Variants in SLC39A11 observed in about 807,000 individuals in gnomAD.
The protein encoded by SLC39A11 is solute carrier family 39 member 11, also known as zinc transporter ZIP11.
SLC39A11 carries 33 observed loss-of-function variants against 36.1 expected under a neutral mutation model. That is an observed-to-expected ratio of 0.91 (90% confidence interval 0.69 to 1.22). The LOEUF (loss-of-function observed/expected upper bound fraction) is 1.22. Ranked by LOEUF, SLC39A11 falls within the 50% of genes most tolerant of loss-of-function variation. SLC39A11 has a pLI of 0.00. For synonymous variants in SLC39A11, 166 were observed against 170.3 expected (o/e 0.97, Z 0.20); for missense variants, 432 against 430.3 (o/e 1.00, Z -0.03).
intron 5 of SLC39A11, among the ~76,000 whole-genome samples, chr17:72,900,212 A>AGAAGGAAGGAAGGAAGGAAAGAAAGAAG (rs1206355409): frequency 9.7e-6 from 1 of 103,466 alleles, no homozygotes; most frequent in African/African-American, 4.0e-5. Flanking sequence ...AAAGAAAGAA[A>AGAAGGAAGGAAGGAAGGAAAGAAAGAAG]GAAAGAAAGA....
chr17:72,961,381 T>A (rs2086597058), intron 4 of SLC39A11, among the ~76,000 whole-genome samples: 1 of 152,180 alleles, frequency 6.6e-6, no homozygotes, highest in Admixed American at 6.5e-5. Flanking sequence ...AGCAATCCCA[T>A]TACTGGGTAT....
chr17:72,828,456 A>G (rs1487882439), intron 6 of SLC39A11, among the ~76,000 whole-genome samples: 1 of 152,226 alleles, frequency 6.6e-6, no homozygotes, highest in Non-Finnish European at 1.5e-5. Context: ...TCCAGAAAGC[A>G]TGGCCACAGT....
At chr17:73,065,671 G>A (rs2059977710) in intron 3 of SLC39A11, among the ~76,000 whole-genome samples, 1 of 152,198 alleles carries the variant, frequency 6.6e-6, no homozygotes, top group South Asian at 2.1e-4. Flanking sequence ...TGGACTGAGA[G>A]TTTAGCTCAA....
chr17:72,720,842 A>G (rs1241965182), intron 7 of SLC39A11, among the ~76,000 whole-genome samples: 2 of 152,214 alleles, frequency 1.3e-5, no homozygotes, highest in Non-Finnish European at 2.9e-5. Flanking sequence ...GTCAAGCCCC[A>G]GAATCCATGG....
intron 5 of SLC39A11, among the ~76,000 whole-genome samples, chr17:72,879,188 T>C (rs1163045680): frequency 1.3e-5 from 2 of 152,220 alleles, no homozygotes; most frequent in Non-Finnish European, 2.9e-5. Context: ...CCTTTGGGTT[T>C]TTTATGGAGG....
At chr17:72,918,364 G>A (rs2083449268) in intron 5 of SLC39A11, among the ~76,000 whole-genome samples, 1 of 152,162 alleles carries the variant, frequency 6.6e-6, no homozygotes, top group Admixed American at 6.5e-5. Flanking sequence ...AGCCAAGATC[G>A]CACCATTGCA....
intron 7 of SLC39A11, among the ~76,000 whole-genome samples, chr17:72,678,659 T>C (rs4793474): frequency 0.48 from 72,878 of 151,484 alleles, 17,727 homozygotes; most frequent in Admixed American, 0.53. Context: ...GAGCCGAGAT[T>C]GCGCCACTGC....
At chr17:73,001,662 A>G (rs2089831268) in intron 4 of SLC39A11, among the ~76,000 whole-genome samples, 1 of 152,332 alleles carries the variant, frequency 6.6e-6, no homozygotes, top group Admixed American at 6.5e-5. Context: ...GTTTCCAGCC[A>G]AGTCAAGATG....
chr17:72,724,456 G>T (rs1161906521), intron 7 of SLC39A11, among the ~76,000 whole-genome samples: 1 of 152,124 alleles, frequency 6.6e-6, no homozygotes, highest in Non-Finnish European at 1.5e-5. Context: ...CGGTGGGGGG[G>T]AGTGAGCTTC....
In SLC39A11 at chr17:72,655,038, A is replaced by G. The variant is rs143855585; in HGVS notation, c.672-5770T>C. 3.0e-4 allele frequency among the ~76,000 whole-genome samples: 45 copies of G among 152,166 alleles called. No homozygotes were observed. In the East Asian group the frequency reaches 8.3e-3, roughly 28 times the overall value. ...CCCTGGCACGGGGCTGCCAGCCCAA[A>G]CAGCTGCCATGCCCTCTGGATCCTG... On this transcript the variant is annotated intron_variant, in intron 7 of 9. Transcript: ENST00000255559.
At chr17:73,053,064 G>C (rs1568195330) in intron 3 of SLC39A11, among the ~76,000 whole-genome samples, 1 of 152,020 alleles carries the variant, frequency 6.6e-6, no homozygotes, top group Non-Finnish European at 1.5e-5. Context: ...TGTTATGTTG[G>C]TGGTTACATA....
At chr17:72,882,797 CTT>C (rs972532779) in intron 5 of SLC39A11, among the ~76,000 whole-genome samples, 17 of 60,564 alleles carry the variant, frequency 2.8e-4, no homozygotes, top group Non-Finnish European at 2.8e-4. Context: ...GAGAATGCTT[CTT>C]TTTTTTTTTT....
intron 5 of SLC39A11, among the ~76,000 whole-genome samples, chr17:72,931,273 C>T (rs2084377439): frequency 6.6e-6 from 1 of 152,172 alleles, no homozygotes; most frequent in Non-Finnish European, 1.5e-5. Context: ...GGAAGAGATG[C>T]CTTGTTAACC....
intron 3 of SLC39A11, among the ~76,000 whole-genome samples, chr17:73,047,991 ATATAT>A (rs1344893533): frequency 5.1e-3 from 183 of 35,950 alleles, no homozygotes; most frequent in East Asian, 0.016. Context: ...AAAAAAAAAA[ATATAT>A]ATATATATAT....
rs376666769 is a variant in SLC39A11 at position 73,038,870 on chromosome 17, C to G, written c.148-7156G>C. ...GTTAGGGACCCCATTTGTACTACTG[C>G]CCCTGGTTGTTGCTGAACTCTTCTG... On this transcript the variant is annotated intron_variant, in intron 3 of 9. Transcript: ENST00000255559. Among the ~76,000 whole-genome samples the G allele has an allele frequency of 7.9e-5, 12 of 151,868 alleles. No individual in the cohort carries two copies. The East Asian group carries it at 2.1e-3, about 27-fold the overall frequency.
At chr17:72,861,492 AGGAAGATG>A (rs1207646820) in intron 5 of SLC39A11, among the ~76,000 whole-genome samples, 1 of 151,614 alleles carries the variant, frequency 6.6e-6, no homozygotes, top group Non-Finnish European at 1.5e-5. Context: ...TGTTGCAGCC[AGGAAGATG>A]GGAATAAAGT....
intron 7 of SLC39A11, among the ~76,000 whole-genome samples, chr17:72,666,052 C>T (rs960386135): frequency 4.6e-5 from 7 of 152,132 alleles, no homozygotes; most frequent in African/African-American, 1.2e-4. Flanking sequence ...CTCCCAGCTG[C>T]GTGTAATCAA....
chr17:73,088,998 G>C (rs576153747), intron 1 of SLC39A11, among the ~76,000 whole-genome samples: 1 of 152,254 alleles, frequency 6.6e-6, no homozygotes, highest in African/African-American at 2.4e-5. Context: ...CTGAAAGAAG[G>C]CACAGGGAGA....
Position 73,037,208 on chromosome 17 carries a change from G to A in SLC39A11, c.148-5494C>T, listed in dbSNP as rs575650992. On this transcript the variant is annotated intron_variant, in intron 3 of 9. Coordinates refer to ENST00000255559, the MANE Select transcript of SLC39A11 (RefSeq NM_139177.4). ...TAAACACCCGTGTGCAGGTATTGGT[G>A]TGGACTGGAAGTTTTCCATTCATTT... Among the ~76,000 whole-genome samples the A allele has an allele frequency of 2.0e-5, 3 of 152,322 alleles. No homozygotes were observed. In the South Asian group the frequency reaches 6.2e-4, roughly 32 times the overall value.
Sources: allele counts gnomAD v4.1 joint callset (sites outside exome capture counted in the v4.1 genomes callset), GRCh38; gene constraint gnomAD v4.1.1; transcripts MANE v1.5; gene names NCBI Gene and HGNC (gene_info 2026-07-23, HGNC 2026-07-21).